The following IL22RA1 variants were observed in gnomAD, a reference collection of about 807,000 sequenced individuals.
IL22RA1 encodes interleukin 22 receptor subunit alpha 1.
Under a neutral mutation model 32.8 loss-of-function variants are expected in IL22RA1, and 25 were observed. That is an observed-to-expected ratio of 0.76 (90% CI 0.55 to 1.06). IL22RA1 has a LOEUF of 1.06. Among genes scored for constraint, IL22RA1 ranks in the 50% least tolerant of loss-of-function variants. IL22RA1 has a pLI of 0.00. For synonymous variants in IL22RA1, 305 were observed against 305.0 expected (o/e 1.00, Z 0.00); for missense variants, 709 against 727.4 (o/e 0.97, Z 0.29).
At chr1:24,131,240 G>A (rs1230506739) in intron 4 of IL22RA1, among the ~76,000 whole-genome samples, 1 of 152,152 alleles carries the variant, frequency 6.6e-6, no homozygotes, top group African/African-American at 2.4e-5. Context: ...ATTGATAAGG[G>A]AGAATTAGAT....
intron 4 of IL22RA1, among the ~76,000 whole-genome samples, chr1:24,131,949 TC>T (rs1644207696): frequency 6.6e-6 from 1 of 152,132 alleles, no homozygotes. Context: ...AAATTAGAAA[TC>T]AACAATAAAA....
At chr1:24,127,479 G>GT (rs1303047618) in intron 5 of IL22RA1, among the ~76,000 whole-genome samples, 4 of 152,048 alleles carry the variant, frequency 2.6e-5, no homozygotes, top group Non-Finnish European at 5.9e-5. Context: ...ACCTAGCTAA[G>GT]TTTTTGATTT....
intron 3 of IL22RA1, among the ~76,000 whole-genome samples, chr1:24,136,496 C>T (rs1644243214): frequency 7.7e-6 from 1 of 130,046 alleles, no homozygotes; most frequent in Admixed American, 8.6e-5. Context: ...GAGGTGGGGA[C>T]ACTGACTTAG....
chr1:24,142,217 G>T (rs1461686641), intron 1 of IL22RA1, among the ~76,000 whole-genome samples: 1 of 152,240 alleles, frequency 6.6e-6, no homozygotes, highest in Non-Finnish European at 1.5e-5. Context: ...TGGCAGAGAA[G>T]GTGGGAAGCT....
chr1:24,142,790 G>T (rs1172873801), intron 1 of IL22RA1, among the ~76,000 whole-genome samples: 3 of 152,216 alleles, frequency 2.0e-5, no homozygotes, highest in Non-Finnish European at 2.9e-5. Context: ...CAGACAGCTG[G>T]CTATATCCCT....
intron 4 of IL22RA1, among the ~76,000 whole-genome samples, chr1:24,128,959 C>T (rs1040466499): frequency 4.6e-5 from 7 of 152,194 alleles, no homozygotes; most frequent in African/African-American, 9.7e-5. Flanking sequence ...TCTCTGCAGC[C>T]CACCTGGCTC....
chr1:24,126,383 A>T (rs1208804277), intron 5 of IL22RA1, among the ~76,000 whole-genome samples: 1 of 152,130 alleles, frequency 6.6e-6, no homozygotes, highest in Non-Finnish European at 1.5e-5. Flanking sequence ...TGAGGACCAG[A>T]GTGTCATTTT....
chr1:24,128,061 C>T, intron 5 of IL22RA1, 80 bp downstream of exon 5: 3 of 1,386,416 alleles, frequency 2.2e-6, no homozygotes, highest in Non-Finnish European at 2.9e-6. Context: ...CCAAGTCTCA[C>T]CTTGGTTACA....
At chr1:24,138,445 G>A (rs1557631601) in intron 2 of IL22RA1, 137 bp downstream of exon 2, 1 of 893,936 alleles carries the variant, frequency 1.1e-6, no homozygotes, top group Admixed American at 2.6e-5. Flanking sequence ...ACATAAAGGA[G>A]CAAAGCTTTA....
At chr1:24,131,374 G>T (rs1259831309) in intron 4 of IL22RA1, among the ~76,000 whole-genome samples, 1 of 152,186 alleles carries the variant, frequency 6.6e-6, no homozygotes, top group Non-Finnish European at 1.5e-5. Flanking sequence ...AGAGCTGTCT[G>T]CAAGAGATAC....
At chr1:24,123,858 G>A (rs1031867188) in intron 5 of IL22RA1, among the ~76,000 whole-genome samples, 11 of 152,216 alleles carry the variant, frequency 7.2e-5, no homozygotes, top group Middle Eastern at 6.8e-3. Flanking sequence ...AGATGCCCCA[G>A]CCCTCATGGT....
intron 5 of IL22RA1, among the ~76,000 whole-genome samples, chr1:24,124,219 T>TC (rs948613215): frequency 1.3e-5 from 2 of 152,088 alleles, no homozygotes; most frequent in Non-Finnish European, 2.9e-5. Flanking sequence ...TGGTCCTGCC[T>TC]CCCTGGTAGG....
chr1:24,143,058 T>A lies in IL22RA1; in HGVS notation c.25A>T (p.Thr9Ser), dbSNP rs1175611629. The A allele has an allele frequency of 6.2e-7, 1 of 1,613,340 alleles. No individual in the cohort carries two copies. The highest frequency in any genetic ancestry group is 1.1e-5 in the South Asian group (1 of 90,750). The stretch of plus-strand genomic sequence containing the variant: ...CACTCACCAGCCAGGGATCCCACAG[T>A]CAAGATGGTCAGCAGCGTCCTCATC... The part of the protein sequence containing the change: MRTLLTIL[T>S]VGSLAAHAPE... Residue 9 changes from threonine to serine, a missense_variant, in exon 1 of 7, where the codon ACT becomes TCT. Thr to Ser is a moderately conservative substitution (Grantham distance 58). Transcript: ENST00000270800.
chr1:24,130,161 G>A (rs79493738), intron 4 of IL22RA1, among the ~76,000 whole-genome samples: 2,714 of 152,186 alleles, frequency 0.018, 83 homozygotes, highest in African/African-American at 0.063. Context: ...TTGGAGAGAG[G>A]AGAAATGTCG....
intron 1 of IL22RA1, among the ~76,000 whole-genome samples, chr1:24,141,940 G>T (rs1049818770): frequency 6.6e-6 from 1 of 152,186 alleles, no homozygotes; most frequent in Non-Finnish European, 1.5e-5. Flanking sequence ...CTAAGATTGG[G>T]GGGGTGAGGG....
chr1:24,122,533 C>T (rs368858110), intron 6 of IL22RA1, among the ~76,000 whole-genome samples: 1 of 152,122 alleles, frequency 6.6e-6, no homozygotes, highest in African/African-American at 2.4e-5. Flanking sequence ...CAGTGGCTCA[C>T]GCTTGTAATC....
intron 5 of IL22RA1, among the ~76,000 whole-genome samples, chr1:24,127,217 C>A (rs573451620): frequency 1.3e-5 from 2 of 151,922 alleles, no homozygotes; most frequent in African/African-American, 4.8e-5. Context: ...CCACAAAAAA[C>A]CCAACTGTAT....
chr1:24,122,686 T>C (rs1430843041), intron 6 of IL22RA1, among the ~76,000 whole-genome samples: 2 of 151,776 alleles, frequency 1.3e-5, no homozygotes, highest in East Asian at 1.9e-4. Flanking sequence ...TAATCCCAGC[T>C]ACTTGGGAGG....
chr1:24,126,763 A>T (rs186153552), intron 5 of IL22RA1, among the ~76,000 whole-genome samples: 133 of 152,194 alleles, frequency 8.7e-4, no homozygotes, highest in African/African-American at 2.9e-3. Flanking sequence ...GAGCAATACA[A>T]CGTTTCCCTC....
Sources: gnomAD v4.1 joint callset for allele counts (sites outside exome capture counted in the v4.1 genomes callset) on GRCh38, gnomAD v4.1.1 for gene constraint, MANE v1.5 for transcripts, NCBI Gene and HGNC (gene_info 2026-07-23, HGNC 2026-07-21) for gene names.